Variants in MYO18A observed in about 807,000 individuals in gnomAD.
MYO18A encodes myosin XVIIIA, also known as unconventional myosin-XVIIIa.
In MYO18A, 78 loss-of-function variants were observed where a neutral mutation model predicts 235.8. The ratio of observed to expected loss-of-function variants is 0.33; its 90% CI spans 0.28 to 0.40. The LOEUF is 0.40. MYO18A is among the 10% of genes least tolerant of loss of function. MYO18A has a pLI of 1.00. For synonymous variants in MYO18A, 977 were observed against 1,077.8 expected (o/e 0.91, Z 1.83); for missense variants, 2,215 against 2,699.3 (o/e 0.82, Z 3.98).
chr17:29,114,933 C>T lies in MYO18A; in HGVS notation c.2485G>A (p.Val829Met), dbSNP rs368317817. Reference protein sequence around the residue: ...LQRLFHERTFVQELERYKEEN... With the variant: ...LQRLFHERTFMQELERYKEEN... ...TCCTTGTATCTTTCCAACTCCTGCA[C>T]GAAGGTGCGCTCGTGGAAGAGCCTC... Residue 829 changes from valine (V) to methionine (M), a missense_variant, in exon 14 of 42, where the codon GTG (valine) becomes ATG (methionine). Coordinates refer to ENST00000527372, the MANE Select transcript of MYO18A (RefSeq NM_078471.4). The T allele has an allele frequency of 2.9e-5, 47 of 1,613,874 alleles. No individual in the cohort carries two copies. Among genetic ancestry groups the T allele is most frequent in the Middle Eastern group, 1.6e-4 (1 of 6,062 alleles).
chr17:29,086,331 C>T, intron 39 of MYO18A, 107 bp downstream of exon 39: 1 of 1,322,700 alleles, frequency 7.6e-7, no homozygotes, highest in South Asian at 1.4e-5. Flanking sequence ...TGGCGGCTTG[C>T]TCATGGGGAG....
In MYO18A at chr17:29,166,745, T is replaced by A; in HGVS notation, c.196A>T (p.Ile66Phe). ...GAGCCGCTGGCCACCTTGATGGGGA[T>A]GGGGTTGGAGATTTCCAGGCGCGTC... ...SKTRLEISNP[I>F]PIKVASGSDL... Residue 66 changes from isoleucine to phenylalanine, a missense_variant, in exon 2 of 42, where the codon ATC (isoleucine) becomes TTC (phenylalanine). By Grantham distance (21) the Ile-to-Phe change is conservative (BLOSUM62 0). Coordinates refer to ENST00000527372, the MANE Select transcript of MYO18A (RefSeq NM_078471.4). 6.2e-7 allele frequency: 1 copy of A among 1,613,810 alleles called. No homozygotes were observed. Among genetic ancestry groups the A allele is most frequent in the Non-Finnish European group, 8.5e-7 (1 of 1,179,860 alleles).
At chr17:29,154,879 T>C (rs1216840405) in intron 2 of MYO18A, among the ~76,000 whole-genome samples, 1 of 152,008 alleles carries the variant, frequency 6.6e-6, no homozygotes, top group African/African-American at 2.4e-5. Context: ...AGTCCACACA[T>C]GAGGGAGGGG....
intron 40 of MYO18A, among the ~76,000 whole-genome samples, chr17:29,083,220 GC>G (rs1314493335): frequency 6.6e-6 from 1 of 152,124 alleles, no homozygotes. Flanking sequence ...TCCTCAGGTA[GC>G]CCCCAGCCCT....
chr17:29,109,961 C>A lies in MYO18A; in HGVS notation c.3228G>T (p.Ser1076=). The A allele has an allele frequency of 1.2e-6, 2 of 1,609,952 alleles. No homozygotes were observed. The highest frequency in any genetic ancestry group is 1.1e-5 in the South Asian group (1 of 90,230). The change falls in exon 19 of 42, where the codon TCG becomes TCT. Residue 1076 remains serine, a synonymous_variant. Coordinates refer to ENST00000527372, the MANE Select transcript of MYO18A (RefSeq NM_078471.4). The surrounding 1 kb of genome is among the most constrained non-coding windows in gnomAD (Gnocchi z 4.1). The part of the protein sequence containing the change: ...VSSSSELDLP[S]GDHCEAGLLQ... Reference sequence around the variant, plus strand: ...GGAGCCCAGCCTCGCAGTGGTCTCCCGAGGGCAGGTCCAGCTCACTGCTGC... The same window carrying A: ...GGAGCCCAGCCTCGCAGTGGTCTCCAGAGGGCAGGTCCAGCTCACTGCTGC...
In MYO18A at chr17:29,120,592, C is replaced by A; in HGVS notation, c.1728+24G>T. ...ATCATGTGGCCTGTGTCCTACTACC[C>A]CGAGTCCTGGGCAGCACTCTCACCT... is the stretch of plus-strand genomic sequence containing the variant. On this transcript the variant is annotated intron_variant, in intron 7 of 41. Transcript: ENST00000527372. The surrounding 1 kb of genome is among the most constrained non-coding windows in gnomAD (Gnocchi z 4.2). 6.2e-7 allele frequency: 1 copy of A among 1,607,840 alleles called. No homozygotes were observed. Among genetic ancestry groups the A allele is most frequent in the South Asian group, 1.1e-5 (1 of 90,176 alleles).
At chr17:29,090,240 G>A in intron 36 of MYO18A, 142 bp from the exon 37 acceptor site, 3 of 967,102 alleles carry the variant, frequency 3.1e-6, no homozygotes, top group Non-Finnish European at 4.5e-6. Flanking sequence ...ATGGAGCCCT[G>A]GGCCAGAGGC....
At chr17:29,091,659 T>A (rs764961968) in intron 34 of MYO18A, 4 of 455,098 alleles carry the variant, frequency 8.8e-6, no homozygotes, top group Middle Eastern at 8.9e-4. Flanking sequence ...ACAAATGTCA[T>A]GGGGATAAAT....
intron 10 of MYO18A, 62 bp from the exon 11 acceptor site, chr17:29,116,517 T>C: frequency 2.5e-6 from 4 of 1,608,958 alleles, no homozygotes; most frequent in South Asian, 1.1e-5. Flanking sequence ...CAAACAGTCA[T>C]CAATAGAGCT....
chr17:29,121,476 A>G lies in MYO18A; in HGVS notation c.1371+71T>C, dbSNP rs911403250. 17 of 1,444,358 alleles carry G rather than the reference A, an allele frequency of 1.2e-5. No homozygotes were observed. The African/African-American group carries it at 2.3e-4, about 19-fold the overall frequency. The allele number at this position is 1,444,358 out of a possible 1,614,324, so 89.5% of individuals were successfully genotyped here. A position where few individuals can be genotyped will look rare whatever the true frequency, so the allele number is the denominator to read the frequency against. On this transcript the variant is annotated intron_variant, in intron 5 of 41. Transcript: ENST00000527372. This position sits in a 1 kb window ranked among gnomAD's most constrained non-coding sequence, Gnocchi z 4.2. ...GGACAGGAGCCCAGTGGGGTGCCACAGGGGAAGGGCAGAGAGCCAGGGCAG... is the reference window on the plus strand; with the variant it reads ...GGACAGGAGCCCAGTGGGGTGCCACGGGGGAAGGGCAGAGAGCCAGGGCAG...
rs138239684 is a variant in MYO18A, at chr17:29,082,740, C to T, written c.5898-302G>A. On this transcript the variant is annotated intron_variant, in intron 40 of 41. Transcript: ENST00000527372. ...CAATCAAGGGAGAATGACTTAAAGA[C>T]CATCCACTCATCAATTTCAGCTAAA... Among the ~76,000 whole-genome samples, 401 of 152,152 alleles carry T rather than the reference C, an allele frequency of 2.6e-3. 1 individual carries two copies. The highest frequency in any genetic ancestry group is 9.1e-3 in the African/African-American group (377 of 41,514).
chr17:29,172,097 C>CT, intron 1 of MYO18A, among the ~76,000 whole-genome samples: 1 of 152,228 alleles, frequency 6.6e-6, no homozygotes, highest in Middle Eastern at 3.4e-3. Context: ...CAGCCACTTC[C>CT]TAAAGGCAAG....
chr17:29,139,470 A>T (rs2067683633), intron 2 of MYO18A, among the ~76,000 whole-genome samples: 1 of 152,078 alleles, frequency 6.6e-6, no homozygotes. Context: ...CCCTGGTGCC[A>T]GTTTGGGGGC....
intron 19 of MYO18A, chr17:29,107,419 CA>C: frequency 7.7e-6 from 4 of 519,200 alleles, no homozygotes; most frequent in East Asian, 6.5e-5. Context: ...TAGGAAGGCC[CA>C]AAAAAGGAAC....
chr17:29,107,370 G>A lies in MYO18A; in HGVS notation c.3332-181C>T, dbSNP rs543980299. ...AGGGGGTAGGCAGGGAAGAGGAAGAGAAGGTCAGGAGGACAATCAGGCCTG... is the reference window on the plus strand; with the variant it reads ...AGGGGGTAGGCAGGGAAGAGGAAGAAAAGGTCAGGAGGACAATCAGGCCTG... On this transcript the variant is annotated intron_variant, in intron 19 of 41. Coordinates refer to ENST00000527372, the MANE Select transcript of MYO18A (RefSeq NM_078471.4). 8 of 613,176 alleles carry A rather than the reference G, an allele frequency of 1.3e-5. No individual in the cohort carries two copies. The East Asian group carries it at 2.0e-4, about 15-fold the overall frequency. The allele number at this position is 613,176 out of a possible 1,614,324, so 38.0% of individuals were successfully genotyped here.
At chr17:29,145,656 T>C (rs948782328) in intron 2 of MYO18A, among the ~76,000 whole-genome samples, 19 of 152,188 alleles carry the variant, frequency 1.2e-4, no homozygotes, top group Non-Finnish European at 2.9e-5. Flanking sequence ...AGAGACAATA[T>C]GAGGCACGTT....
chr17:29,121,751 T>A lies in MYO18A; in HGVS notation c.1195-28A>T. The stretch of plus-strand genomic sequence containing the variant: ...GTGTGGGAGGACAGGCGGGTGGGTA[T>A]TAGAGCAGCAGAGCCCATCTCCGCT... On this transcript the variant is annotated intron_variant, in intron 4 of 41. Coordinates refer to ENST00000527372, the MANE Select transcript of MYO18A (RefSeq NM_078471.4). The surrounding 1 kb of genome is among the most constrained non-coding windows in gnomAD (Gnocchi z 4.2). 1 of 1,581,254 alleles carries A rather than the reference T, an allele frequency of 6.3e-7. No individual in the cohort carries two copies. The highest frequency in any genetic ancestry group is 8.6e-7 in the Non-Finnish European group (1 of 1,161,914).
At chr17:29,167,237 A>C (rs2068305108) in intron 1 of MYO18A, among the ~76,000 whole-genome samples, 2 of 152,232 alleles carry the variant, frequency 1.3e-5, no homozygotes, top group Non-Finnish European at 2.9e-5. Context: ...AGGAAACTTA[A>C]GGTTTAGATA....
chr17:29,094,987 C>G lies in MYO18A; in HGVS notation c.4458G>C (p.Arg1486=), dbSNP rs1598292102. 2 of 1,598,614 alleles carry G rather than the reference C, an allele frequency of 1.3e-6. No homozygotes were observed. The highest frequency in any genetic ancestry group is 1.7e-6 in the Non-Finnish European group (2 of 1,171,546). The part of the protein sequence containing the change: ...REKLQREKLQ[R]EKDMLLAEAF... ...CCTCAGCGAGGAGCATGTCCTTCTC[C>G]CGCTGCAGCTTCTCCCGCTGCAGCT... The change falls in exon 29 of 42, where the codon CGG becomes CGC. Residue 1486 remains arginine, a synonymous_variant. Coordinates refer to ENST00000527372, the MANE Select transcript of MYO18A (RefSeq NM_078471.4).
Sources: gnomAD v4.1 joint callset for allele counts (sites outside exome capture counted in the v4.1 genomes callset) on GRCh38, gnomAD v4.1.1 for gene constraint, Gnocchi (gnomAD v3.1) non-coding constraint, MANE v1.5 for transcripts, NCBI Gene and HGNC (gene_info 2026-07-23, HGNC 2026-07-21) for gene names.